The following CADM2 variants were observed in gnomAD, a reference collection of about 807,000 sequenced individuals.
The protein encoded by CADM2 is immunoglobulin superfamily member 4D.
A neutral mutation model predicts 49.8 loss-of-function variants in CADM2; 12 were observed. The ratio of observed to expected loss-of-function variants is 0.24; its 90% CI spans 0.15 to 0.39. The LOEUF is 0.39. Among genes scored for constraint, CADM2 ranks in the 10% least tolerant of loss-of-function variants. The pLI is 1.00. For missense variants in CADM2, 378 were observed against 492.3 expected, an observed-to-expected ratio of 0.77 and a Z score of 2.20; for synonymous variants, 214 against 175.4, an observed-to-expected ratio of 1.22 and a Z score of -1.74.
intron 3 of CADM2, among the ~76,000 whole-genome samples, chr3:85,814,463 A>G (rs2073081615): frequency 6.6e-6 from 1 of 152,148 alleles, no homozygotes; most frequent in Non-Finnish European, 1.5e-5. Context: ...TCAAAGAACT[A>G]GAGAAGCAAT....
chr3:85,054,140 A>G (rs1453253717), intron 1 of CADM2, among the ~76,000 whole-genome samples: 7 of 151,974 alleles, frequency 4.6e-5, no homozygotes. Context: ...AAACAGTGTC[A>G]TAAGAGTGCA....
At chr3:85,225,859 CAT>C (rs1385664534) in intron 1 of CADM2, among the ~76,000 whole-genome samples, 2 of 152,132 alleles carry the variant, frequency 1.3e-5, no homozygotes, top group African/African-American at 4.8e-5. Context: ...TTGAGTTAAT[CAT>C]GTGGTTTTTG....
At chr3:85,486,470 A>G (rs2039421061) in intron 1 of CADM2, among the ~76,000 whole-genome samples, 1 of 152,160 alleles carries the variant, frequency 6.6e-6, no homozygotes, top group African/African-American at 2.4e-5. Flanking sequence ...GTTCCGACAT[A>G]AATGCCTAAG....
chr3:85,347,049 C>T (rs952280477), intron 1 of CADM2, among the ~76,000 whole-genome samples: 5 of 151,592 alleles, frequency 3.3e-5, no homozygotes, highest in Non-Finnish European at 7.4e-5. Flanking sequence ...ATGGCGAAAT[C>T]CCGTCTCTAC....
At chr3:85,155,960 T>C (rs2040102128) in intron 1 of CADM2, among the ~76,000 whole-genome samples, 2 of 152,202 alleles carry the variant, frequency 1.3e-5, no homozygotes, top group South Asian at 4.1e-4. Context: ...GGGAAATTTA[T>C]AGCACTAAAT....
chr3:85,059,026 T>C (rs1052181093), intron 1 of CADM2, among the ~76,000 whole-genome samples: 8 of 151,800 alleles, frequency 5.3e-5, no homozygotes, highest in African/African-American at 4.8e-5. Context: ...GATCATGAGG[T>C]CAGGAGATTG....
rs114430440 is a variant in CADM2, at chr3:85,267,493, T to C, written c.61+307825T>C. 2.3e-3 allele frequency among the ~76,000 whole-genome samples: 344 copies of C among 151,888 alleles called. 2 individuals are homozygous for C. The highest frequency in any genetic ancestry group is 7.7e-3 in the African/African-American group (321 of 41,528). On this transcript the variant is annotated intron_variant, in intron 1 of 9. Transcript: ENST00000383699. ...GAGCAGAAACCCACCATATTTAAGA[T>C]TGCCATATTTATTTAGTTTTGGTCT...
intron 7 of CADM2, among the ~76,000 whole-genome samples, chr3:85,957,419 T>C (rs541987682): frequency 1.3e-5 from 2 of 151,858 alleles, no homozygotes; most frequent in East Asian, 3.9e-4. Context: ...TCTGATAAAA[T>C]TATCCTCCCT....
chr3:85,225,101 T>C (rs2042127096), intron 1 of CADM2, among the ~76,000 whole-genome samples: 1 of 152,194 alleles, frequency 6.6e-6, no homozygotes, highest in Non-Finnish European at 1.5e-5. Context: ...TTTGGTTCCA[T>C]ATGAACTTTA....
intron 6 of CADM2, among the ~76,000 whole-genome samples, chr3:85,922,270 T>C (rs193053206): frequency 4.9e-4 from 74 of 152,024 alleles, no homozygotes; most frequent in Non-Finnish European, 7.4e-4. Context: ...TTTGTAATTA[T>C]AAATTGTTGT....
chr3:85,569,980 A>G (rs1224829828), intron 1 of CADM2, among the ~76,000 whole-genome samples: 8 of 152,132 alleles, frequency 5.3e-5, no homozygotes. Context: ...GAATGTTGCT[A>G]TTATATAGGA....
At chr3:85,097,024 G>A (rs1022722765) in intron 1 of CADM2, among the ~76,000 whole-genome samples, 26 of 152,018 alleles carry the variant, frequency 1.7e-4, no homozygotes, top group African/African-American at 5.8e-4. Context: ...TATACTTTAA[G>A]TTTTAGGATA....
chr3:86,018,788 G>C (rs1333429383), intron 8 of CADM2, among the ~76,000 whole-genome samples: 1 of 151,924 alleles, frequency 6.6e-6, no homozygotes, highest in African/African-American at 2.4e-5. Context: ...CCCTTTGTCA[G>C]ATGAGTAGGT....
At chr3:85,737,882 T>C (rs2068210772) in intron 2 of CADM2, among the ~76,000 whole-genome samples, 1 of 152,088 alleles carries the variant, frequency 6.6e-6, no homozygotes, top group Non-Finnish European at 1.5e-5. Flanking sequence ...CTTTATGTGT[T>C]TTCCCATCTT....
chr3:85,182,684 A>T (rs1396609800), intron 1 of CADM2, among the ~76,000 whole-genome samples: 1 of 152,118 alleles, frequency 6.6e-6, no homozygotes, highest in Non-Finnish European at 1.5e-5. Context: ...TGAATAGTTT[A>T]TAGAACCCTA....
At chr3:85,073,720 CG>C (rs1229234281) in intron 1 of CADM2, among the ~76,000 whole-genome samples, 1 of 151,968 alleles carries the variant, frequency 6.6e-6, no homozygotes, top group African/African-American at 2.4e-5. Flanking sequence ...AATATATGAT[CG>C]TTTCAATACA....
At chr3:85,940,993 T>C (rs1168074579) in intron 7 of CADM2, among the ~76,000 whole-genome samples, 5 of 152,060 alleles carry the variant, frequency 3.3e-5, no homozygotes, top group Admixed American at 6.6e-5. Context: ...TTTGTTGTAA[T>C]CAATGTACCT....
chr3:85,128,160 G>A (rs2039100091), intron 1 of CADM2, among the ~76,000 whole-genome samples: 1 of 152,098 alleles, frequency 6.6e-6, no homozygotes, highest in Non-Finnish European at 1.5e-5. Flanking sequence ...ATCCATCCAA[G>A]TTCTCCACAA....
At chr3:85,183,281 T>G (rs2040979009) in intron 1 of CADM2, among the ~76,000 whole-genome samples, 1 of 152,176 alleles carries the variant, frequency 6.6e-6, no homozygotes, top group African/African-American at 2.4e-5. Flanking sequence ...AAATGAATGC[T>G]GTAGTTGATT....
Sources: allele counts gnomAD v4.1 joint callset (sites outside exome capture counted in the v4.1 genomes callset), GRCh38; gene constraint gnomAD v4.1.1; transcripts MANE v1.5; gene names NCBI Gene and HGNC (gene_info 2026-07-23, HGNC 2026-07-21).